Variants in ALOX5 observed in about 807,000 individuals in gnomAD.
ALOX5 encodes polyunsaturated fatty acid 5-lipoxygenase.
A neutral mutation model predicts 87.9 loss-of-function variants in ALOX5; 64 were observed. The observed-to-expected ratio is 0.73, with a 90% CI of 0.60 to 0.90. ALOX5 has a LOEUF of 0.90. Ranked by LOEUF, ALOX5 falls within the 40% of genes least tolerant of loss-of-function variation. ALOX5 has a pLI of 0.00. For synonymous variants in ALOX5, 388 were observed against 355.1 expected, an observed-to-expected ratio of 1.09 and a Z score of -1.04; for missense variants, 822 against 907.5, an observed-to-expected ratio of 0.91 and a Z score of 1.21.
At position 45,443,091 on chromosome 10, in the gene ALOX5, GGACCTGACCTAT is replaced by G; in HGVS notation, c.1328_1339del (p.Asp443_Tyr446del). 1.2e-6 allele frequency: 2 copies of G among 1,613,802 alleles called. No homozygotes were observed. The highest frequency in any genetic ancestry group is 1.7e-6 in the Non-Finnish European group (2 of 1,180,012). ...TGCAGATGGTGCAGAGGGCCATGAA[GGACCTGACCTAT>G]GCCTCCCTGTGCTTTCCCGAGGCCA... On this transcript the variant is annotated inframe_deletion, in exon 10 of 14. Transcript: ENST00000374391.
chr10:45,440,826 C>T (rs534175336), intron 8 of ALOX5, among the ~76,000 whole-genome samples, 193 bp downstream of exon 8: 24 of 152,312 alleles, frequency 1.6e-4, no homozygotes, highest in African/African-American at 5.1e-4. Context: ...CCCCAGGACA[C>T]GCGGCTGGGG....
At chr10:45,402,012 G>T (rs1840716702) in intron 3 of ALOX5, among the ~76,000 whole-genome samples, 2 of 150,906 alleles carry the variant, frequency 1.3e-5, no homozygotes, top group Admixed American at 1.3e-4. Flanking sequence ...GCGTGAACCT[G>T]GGAGGCGGAG....
intron 3 of ALOX5, among the ~76,000 whole-genome samples, chr10:45,408,318 T>A (rs74523293): frequency 0.029 from 4,348 of 152,232 alleles, 142 homozygotes; most frequent in African/African-American, 0.075. Flanking sequence ...ACATAAGACA[T>A]CAGTCAATAC....
chr10:45,408,265 C>T (rs1840949580), intron 3 of ALOX5, among the ~76,000 whole-genome samples: 1 of 152,124 alleles, frequency 6.6e-6, no homozygotes, highest in South Asian at 2.1e-4. Context: ...AACATGCACC[C>T]AAGGTGGTTG....
Position 45,405,740 on chromosome 10 carries a change from T to A in ALOX5, c.432-6451T>A, listed in dbSNP as rs1003302787. ...AGTTTAGAGCTTTCATTCATCTACC[T>A]TTTTTTTTTTTTTTGAGACAGAGTC... On this transcript the variant is annotated intron_variant, in intron 3 of 13. Transcript: ENST00000374391. Among the ~76,000 whole-genome samples, 15 of 35,774 alleles carry A rather than the reference T, an allele frequency of 4.2e-4. No individual in the cohort carries two copies. In the African/African-American group the frequency reaches 4.5e-3, roughly 11 times the overall value. The allele number at this position is 35,774 out of a possible 152,430, so 23.5% of individuals were successfully genotyped here.
chr10:45,431,008 G>A (rs754465837), intron 7 of ALOX5, among the ~76,000 whole-genome samples: 6 of 152,214 alleles, frequency 3.9e-5, no homozygotes, highest in Non-Finnish European at 8.8e-5. Context: ...GTGCAGCAGT[G>A]TATTAAATGA....
intron 7 of ALOX5, among the ~76,000 whole-genome samples, chr10:45,435,002 A>T (rs1039331692): frequency 6.6e-6 from 1 of 152,234 alleles, no homozygotes; most frequent in African/African-American, 2.4e-5. Context: ...TTCCTTACCC[A>T]AAAAACAAAT....
chr10:45,428,028 G>A (rs2132816117), intron 6 of ALOX5, among the ~76,000 whole-genome samples: 1 of 136,340 alleles, frequency 7.3e-6, no homozygotes, highest in African/African-American at 2.8e-5. Flanking sequence ...CACCTCTCCC[G>A]AAACACGCTC....
chr10:45,421,465 C>G (rs6593486), intron 4 of ALOX5, among the ~76,000 whole-genome samples: 109,760 of 152,224 alleles, frequency 0.72, 39,854 homozygotes, highest in East Asian at 0.87. Flanking sequence ...TCGGGGCCTG[C>G]GTAGGCCTCT....
chr10:45,395,237 A>G (rs1397443928), intron 2 of ALOX5, among the ~76,000 whole-genome samples: 1 of 152,262 alleles, frequency 6.6e-6, no homozygotes, highest in Non-Finnish European at 1.5e-5. Flanking sequence ...CTGAATTAAG[A>G]AAATGTGGCA....
rs764649978 is a variant in ALOX5, at chr10:45,395,896, C to T, written c.391C>T (p.His131Tyr). 14 of 1,614,244 alleles carry T rather than the reference C, an allele frequency of 8.7e-6. No individual in the cohort carries two copies. Among genetic ancestry groups the T allele is most frequent in the Middle Eastern group, 3.3e-4 (2 of 6,062 alleles). Reference sequence around the variant, plus strand: ...TGACCAAATTCACATTCTCAAGCAACACCGACGTAAAGAACTGGAAACACG... The same window carrying T: ...TGACCAAATTCACATTCTCAAGCAATACCGACGTAAAGAACTGGAAACACG... Reference protein sequence around the residue: ...RDDQIHILKQHRRKELETRQK... With the variant: ...RDDQIHILKQYRRKELETRQK... Residue 131 changes from histidine to tyrosine, a missense_variant, in exon 3 of 14, where the codon CAC (histidine) becomes TAC (tyrosine). Transcript: ENST00000374391.
In ALOX5 at chr10:45,395,853, A is replaced by C; in HGVS notation, c.350-2A>C. ...TCCTCTCATGTTGTTCTTTCTTTAC[A>C]GCAAAGTTGGCCCGAGATGACCAAA... On this transcript the variant is annotated splice_acceptor_variant, in intron 2 of 13. Coordinates refer to ENST00000374391, the MANE Select transcript of ALOX5 (RefSeq NM_000698.5). LOFTEE classifies it high-confidence loss of function. The C allele has an allele frequency of 6.2e-7, 1 of 1,614,188 alleles. No homozygotes were observed. The highest frequency in any genetic ancestry group is 8.5e-7 in the Non-Finnish European group (1 of 1,179,984).
intron 7 of ALOX5, among the ~76,000 whole-genome samples, chr10:45,435,971 T>C (rs2132840413): frequency 6.6e-6 from 1 of 152,356 alleles, no homozygotes; most frequent in Non-Finnish European, 1.5e-5. Flanking sequence ...ATAATAGCCA[T>C]TCTGACTGGT....
chr10:45,383,711 C>G (rs2132681002), intron 2 of ALOX5, among the ~76,000 whole-genome samples: 1 of 152,294 alleles, frequency 6.6e-6, no homozygotes. Context: ...TCTTAAGCTA[C>G]CAGGCCACAT....
chr10:45,429,431 G>C (rs1841840699), intron 7 of ALOX5, among the ~76,000 whole-genome samples: 2 of 152,192 alleles, frequency 1.3e-5, no homozygotes, highest in South Asian at 4.1e-4. Context: ...ACTGGACCTT[G>C]GGAGCTGTGG....
At chr10:45,387,946 C>T (rs1444249303) in intron 2 of ALOX5, among the ~76,000 whole-genome samples, 1 of 152,164 alleles carries the variant, frequency 6.6e-6, no homozygotes, top group Non-Finnish European at 1.5e-5. Context: ...GATTGTTGGA[C>T]AGTGGGGGCA....
At chr10:45,429,616 A>T (rs972545644) in intron 7 of ALOX5, among the ~76,000 whole-genome samples, 10 of 152,244 alleles carry the variant, frequency 6.6e-5, no homozygotes, top group African/African-American at 2.2e-4. Context: ...CCTTCTTTGA[A>T]GCAATAGGTG....
At chr10:45,441,490 C>T (rs566952895) in intron 9 of ALOX5, 60 bp downstream of exon 9, 32 of 1,523,076 alleles carry the variant, frequency 2.1e-5, no homozygotes, top group Non-Finnish European at 2.6e-5. Flanking sequence ...GCCTTCACTC[C>T]CTATCTGAGA....
chr10:45,412,368 G>T, intron 4 of ALOX5, 55 bp downstream of exon 4: 1 of 1,604,372 alleles, frequency 6.2e-7, no homozygotes, highest in Middle Eastern at 1.7e-4. Context: ...GCTGGTGCTG[G>T]GGGTGGAACC....
Sources: gnomAD v4.1 joint callset for allele counts (sites outside exome capture counted in the v4.1 genomes callset) on GRCh38, gnomAD v4.1.1 for gene constraint, MANE v1.5 for transcripts, NCBI Gene and HGNC (gene_info 2026-07-23, HGNC 2026-07-21) for gene names.